The following RPS6KC1 variants were observed in gnomAD, a reference collection of about 807,000 sequenced individuals.
The protein encoded by RPS6KC1 is ribosomal protein S6 kinase C1.
Under a neutral mutation model 103.8 loss-of-function variants are expected in RPS6KC1, and 54 were observed. The ratio of observed to expected loss-of-function variants is 0.52; its 90% CI spans 0.42 to 0.65. RPS6KC1 has a LOEUF of 0.65. Ranked by LOEUF, RPS6KC1 falls within the 30% of genes least tolerant of loss-of-function variation. RPS6KC1 has a pLI of 0.00. For synonymous variants in RPS6KC1, 439 were observed against 438.7 expected (o/e 1.00, Z -0.01); for missense variants, 1,151 against 1,253.8 (o/e 0.92, Z 1.24).
chr1:213,774,983 CA>C, the RPS6KC1 span, among the ~76,000 whole-genome samples: 1 of 152,056 alleles, frequency 6.6e-6, no homozygotes, highest in Non-Finnish European at 1.5e-5. Context: ...AAAGGAGGGC[CA>C]GGGGAGGAAA....
the RPS6KC1 span, among the ~76,000 whole-genome samples, chr1:213,728,976 G>A: frequency 2.2e-5 from 2 of 90,780 alleles, no homozygotes; most frequent in African/African-American, 1.1e-4. Flanking sequence ...ACCAGTGGAC[G>A]ATGCTGAGAC....
downstream of RPS6KC1, among the ~76,000 whole-genome samples, chr1:213,277,715 T>C (rs545916803): frequency 6.6e-6 from 1 of 152,228 alleles, no homozygotes; most frequent in African/African-American, 2.4e-5. Context: ...CTGGTACAAC[T>C]GGTAGTTAAG....
At chr1:213,304,098 T>C in the RPS6KC1 span, among the ~76,000 whole-genome samples, 12 of 147,138 alleles carry the variant, frequency 8.2e-5, no homozygotes, top group African/African-American at 2.3e-4. Flanking sequence ...CCCAGCTACT[T>C]GGGAGGCTGA....
the RPS6KC1 span, among the ~76,000 whole-genome samples, chr1:213,600,063 G>C: frequency 0.01 from 1,585 of 152,246 alleles, 28 homozygotes; most frequent in African/African-American, 0.036. Flanking sequence ...CATTAGATCT[G>C]ATGGTTTTAT....
At chr1:213,634,167 C>T in the RPS6KC1 span, among the ~76,000 whole-genome samples, 1 of 152,176 alleles carries the variant, frequency 6.6e-6, no homozygotes, top group African/African-American at 2.4e-5. Context: ...TTAGACAGAT[C>T]AATGAGACAG....
the RPS6KC1 span, among the ~76,000 whole-genome samples, chr1:213,613,922 T>G: frequency 2.5e-4 from 38 of 152,362 alleles, no homozygotes; most frequent in East Asian, 7.3e-3. Context: ...ACAGGCATTT[T>G]TCACAGCTGC....
At chr1:213,633,011 A>C in the RPS6KC1 span, among the ~76,000 whole-genome samples, 1 of 152,202 alleles carries the variant, frequency 6.6e-6, no homozygotes, top group Non-Finnish European at 1.5e-5. Flanking sequence ...AAGAGTAAAA[A>C]GAAACGAACA....
chr1:213,495,130 A>G, the RPS6KC1 span, among the ~76,000 whole-genome samples: 8,959 of 152,250 alleles, frequency 0.059, 805 homozygotes, highest in African/African-American at 0.19. Flanking sequence ...CCACATAGGT[A>G]CATTTTGAAA....
chr1:213,488,943 C>A, the RPS6KC1 span, among the ~76,000 whole-genome samples: 1 of 152,078 alleles, frequency 6.6e-6, no homozygotes, highest in Non-Finnish European at 1.5e-5. Context: ...ATAATTGTCC[C>A]CAAATTAAAT....
the RPS6KC1 span, among the ~76,000 whole-genome samples, chr1:213,605,394 C>G: frequency 6.6e-6 from 1 of 152,218 alleles, no homozygotes; most frequent in African/African-American, 2.4e-5. Flanking sequence ...TCACACAGTG[C>G]TTCTTTTTAT....
At chr1:213,590,887 T>C in the RPS6KC1 span, among the ~76,000 whole-genome samples, 7 of 152,190 alleles carry the variant, frequency 4.6e-5, no homozygotes, top group South Asian at 1.4e-3. Context: ...CTCCTGGCAG[T>C]ATCCTTCAGG....
the RPS6KC1 span, among the ~76,000 whole-genome samples, chr1:213,839,403 G>C: frequency 6.6e-6 from 1 of 152,188 alleles, no homozygotes; most frequent in African/African-American, 2.4e-5. Context: ...ACTCCGATGA[G>C]TTTCCTTCCT....
At chr1:213,202,849 A>G (rs2093215372) in intron 8 of RPS6KC1, among the ~76,000 whole-genome samples, 1 of 152,202 alleles carries the variant, frequency 6.6e-6, no homozygotes, top group Non-Finnish European at 1.5e-5. Context: ...TAAAAATGGG[A>G]AACATATAAC....
At chr1:213,301,718 T>C in the RPS6KC1 span, among the ~76,000 whole-genome samples, 6 of 143,902 alleles carry the variant, frequency 4.2e-5, no homozygotes, top group Admixed American at 2.0e-4. Context: ...TATTTATTTA[T>C]TTATTTATTT....
chr1:213,508,265 G>T, the RPS6KC1 span, among the ~76,000 whole-genome samples: 2 of 152,296 alleles, frequency 1.3e-5, no homozygotes, highest in Admixed American at 1.3e-4. Flanking sequence ...CATTGAAAAA[G>T]CCTGTTCAAA....
At chr1:213,820,908 A>C in the RPS6KC1 span, 1 of 152,100 alleles carries the variant, frequency 6.6e-6, no homozygotes, top group Non-Finnish European at 1.5e-5. Flanking sequence ...AGAGACCTGG[A>C]AAGTCTCATC....
chr1:213,759,684 C>G, the RPS6KC1 span, among the ~76,000 whole-genome samples: 2 of 152,230 alleles, frequency 1.3e-5, no homozygotes, highest in African/African-American at 4.8e-5. Context: ...GTCTTCTTCC[C>G]ACAGACCTGT....
At chr1:213,284,124 C>T in the RPS6KC1 span, among the ~76,000 whole-genome samples, 1 of 151,426 alleles carries the variant, frequency 6.6e-6, no homozygotes, top group Non-Finnish European at 1.5e-5. Flanking sequence ...AGACATGAAC[C>T]AAGAAAAATT....
chr1:213,298,054 C>A, the RPS6KC1 span, among the ~76,000 whole-genome samples: 575 of 152,356 alleles, frequency 3.8e-3, 2 homozygotes, highest in Middle Eastern at 0.014. Flanking sequence ...CACCCCCAGA[C>A]CAGCAGCTAC....
Sources: allele counts gnomAD v4.1 joint callset (sites outside exome capture counted in the v4.1 genomes callset), GRCh38; gene constraint gnomAD v4.1.1; transcripts MANE v1.5; gene names NCBI Gene and HGNC (gene_info 2026-07-23, HGNC 2026-07-21).